The following CEP15 variants were observed in gnomAD, a reference collection of about 807,000 sequenced individuals.
CEP15 encodes centrosomal protein 15 kDa.
At chr3:62,329,470 G>A in the CEP15 span, among the ~76,000 whole-genome samples, 1 of 152,148 alleles carries the variant, frequency 6.6e-6, no homozygotes, top group Non-Finnish European at 1.5e-5. Context: ...TCACACTTAG[G>A]AACAAGGAGA....
chr3:62,325,859 A>T, the CEP15 span, among the ~76,000 whole-genome samples: 1 of 152,092 alleles, frequency 6.6e-6, no homozygotes, highest in Non-Finnish European at 1.5e-5. Context: ...CCCCGTCTCT[A>T]CTAAAAATAC....
chr3:62,333,296 G>A, the CEP15 span: 11 of 1,611,194 alleles, frequency 6.8e-6, 1 homozygote, highest in Admixed American at 1.5e-4. The surrounding 1 kb of genome is among the most constrained non-coding windows in gnomAD (Gnocchi z 4.0). Context: ...TTCCCAAATG[G>A]GAACAGTTTC....
the CEP15 span, among the ~76,000 whole-genome samples, chr3:62,332,738 G>T: frequency 2.6e-5 from 4 of 151,938 alleles, no homozygotes; most frequent in African/African-American, 9.7e-5. Context: ...ACAATTAAGG[G>T]TCCAATATCT....
chr3:62,320,539 A>G, the CEP15 span: 2 of 1,596,880 alleles, frequency 1.3e-6, no homozygotes, highest in Non-Finnish European at 1.7e-6. Flanking sequence ...GTTTTTTTAA[A>G]GGGATGATTC....
the CEP15 span, chr3:62,321,999 A>C: frequency 2.5e-6 from 4 of 1,610,772 alleles, no homozygotes; most frequent in Admixed American, 6.7e-5. The surrounding 1 kb of genome is among the most constrained non-coding windows in gnomAD (Gnocchi z 4.1). Context: ...CAGAAAAGGC[A>C]TCTCAACTCC....
At chr3:62,331,175 C>A in the CEP15 span, 1 of 562,400 alleles carries the variant, frequency 1.8e-6, no homozygotes, top group East Asian at 2.9e-5. Flanking sequence ...GAACAATGAT[C>A]AGTTTTCCTA....
chr3:62,326,688 A>G, the CEP15 span, among the ~76,000 whole-genome samples: 1 of 152,324 alleles, frequency 6.6e-6, no homozygotes, highest in Non-Finnish European at 1.5e-5. Flanking sequence ...GAATGGAAGA[A>G]TGTACTTGCA....
the CEP15 span, chr3:62,331,335 C>G: frequency 6.2e-7 from 1 of 1,612,818 alleles, no homozygotes; most frequent in Non-Finnish European, 8.5e-7. Flanking sequence ...GATATAGAAG[C>G]AGCAGAAAAG....
At chr3:62,324,224 T>TA in the CEP15 span, 58 of 147,068 alleles carry the variant, frequency 3.9e-4, no homozygotes, top group Admixed American at 6.1e-4. Flanking sequence ...ACCCTATCTC[T>TA]AAAAAAAAAA....
At chr3:62,328,480 A>G in the CEP15 span, among the ~76,000 whole-genome samples, 3 of 152,322 alleles carry the variant, frequency 2.0e-5, no homozygotes, top group Admixed American at 6.5e-5. Flanking sequence ...CAACTACATA[A>G]TAGTTAGATT....
At chr3:62,319,133 ATGT>A in the CEP15 span, 1 of 152,224 alleles carries the variant, frequency 6.6e-6, no homozygotes, top group Non-Finnish European at 1.5e-5. Context: ...GCTGGGGAGG[ATGT>A]TGTTAACGTA....
the CEP15 span, chr3:62,320,402 TGCAAAGCTGA>T: frequency 7.9e-7 from 1 of 1,266,238 alleles, no homozygotes. Context: ...AATCAAATGT[TGCAAAGCTGA>T]GGACATGTGG....
At chr3:62,335,270 C>T in the CEP15 span, 2 of 151,934 alleles carry the variant, frequency 1.3e-5, no homozygotes, top group African/African-American at 2.4e-5. Context: ...AAAGCATAAA[C>T]GTAATACACC....
At chr3:62,331,373 C>A in the CEP15 span, 2 of 1,612,896 alleles carry the variant, frequency 1.2e-6, no homozygotes, top group East Asian at 4.5e-5. Context: ...TCACCCACTT[C>A]CACGGCCTGA....
the CEP15 span, among the ~76,000 whole-genome samples, chr3:62,329,654 G>A: frequency 6.6e-6 from 1 of 152,146 alleles, no homozygotes; most frequent in Non-Finnish European, 1.5e-5. Context: ...GCTTTACCAG[G>A]CCACATGTCT....
At chr3:62,319,864 G>A in the CEP15 span, 2 of 152,298 alleles carry the variant, frequency 1.3e-5, no homozygotes, top group African/African-American at 2.4e-5. Flanking sequence ...AGTGTGCCAC[G>A]AAAATGGGCT....
At chr3:62,323,673 G>A in the CEP15 span, among the ~76,000 whole-genome samples, 2 of 152,076 alleles carry the variant, frequency 1.3e-5, no homozygotes. Flanking sequence ...TGTTCAGAAG[G>A]GTAGCTAAGA....
chr3:62,319,745 C>G, the CEP15 span: 1 of 152,120 alleles, frequency 6.6e-6, no homozygotes, highest in Non-Finnish European at 1.5e-5. Context: ...CCTTTTAAGC[C>G]CAACCAGATG....
At chr3:62,333,676 T>A in the CEP15 span, 1,435 of 182,652 alleles carry the variant, frequency 7.9e-3, 20 homozygotes, top group African/African-American at 0.031. The surrounding 1 kb of genome is among the most constrained non-coding windows in gnomAD (Gnocchi z 4.0). Flanking sequence ...TGTGTTGCTT[T>A]AAAAAAAAAA....
Sources: gnomAD v4.1 joint callset for allele counts (sites outside exome capture counted in the v4.1 genomes callset) on GRCh38, gnomAD v4.1.1 for gene constraint, Gnocchi (gnomAD v3.1) non-coding constraint, MANE v1.5 for transcripts, NCBI Gene and HGNC (gene_info 2026-07-23, HGNC 2026-07-21) for gene names.